RALGAPA2: variants seen among roughly 807,000 people sequenced by gnomAD.
The protein encoded by RALGAPA2 is Ral GTPase activating protein catalytic subunit alpha 2.
Under a neutral mutation model 230.4 loss-of-function variants are expected in RALGAPA2, and 139 were observed. The ratio of observed to expected loss-of-function variants is 0.60; its 90% confidence interval spans 0.53 to 0.69. The LOEUF is 0.69. Ranked by LOEUF, RALGAPA2 falls within the 30% of genes least tolerant of loss-of-function variation. The pLI, the probability that RALGAPA2 is intolerant of heterozygous loss-of-function variation, is 0.00. For missense variants in RALGAPA2, 2,163 were observed against 2,276.0 expected, an observed-to-expected ratio of 0.95 and a Z score of 1.01; for synonymous variants, 847 against 837.8, an observed-to-expected ratio of 1.01 and a Z score of -0.19.
intron 23 of RALGAPA2, among the ~76,000 whole-genome samples, chr20:20,569,216 G>C (rs1486090410): frequency 6.6e-6 from 1 of 152,100 alleles, no homozygotes; most frequent in Non-Finnish European, 1.5e-5. Context: ...ATGAAAAAAA[G>C]TTTCTTTCAT....
At chr20:20,411,365 C>A (rs1487677279) in intron 38 of RALGAPA2, among the ~76,000 whole-genome samples, 1 of 152,140 alleles carries the variant, frequency 6.6e-6, no homozygotes, top group Non-Finnish European at 1.5e-5. Context: ...TCCCCCCAAA[C>A]TGGAAATATA....
In RALGAPA2 at chr20:20,531,793, C is replaced by T; in HGVS notation, c.3476G>A (p.Cys1159Tyr). 1 of 1,592,416 alleles carries T rather than the reference C, an allele frequency of 6.3e-7. No individual in the cohort carries two copies. The highest frequency in any genetic ancestry group is 8.6e-7 in the Non-Finnish European group (1 of 1,168,540). The change falls in exon 27 of 40, where the codon TGC (cysteine) becomes TAC (tyrosine). Residue 1159 changes from cysteine to tyrosine, a missense_variant and splice_region_variant. By Grantham distance (194) the Cys-to-Tyr change is radical. Coordinates refer to ENST00000202677, the MANE Select transcript of RALGAPA2 (RefSeq NM_020343.4). ...GACCCCAAGGGAGCAAACAGCAATGCATCTTTTTAAAAAGAAGAAAACAGA... is the reference window on the plus strand; with the variant it reads ...GACCCCAAGGGAGCAAACAGCAATGTATCTTTTTAAAAAGAAGAAAACAGA... ...ATEEPNEYARCIAVCSLGVWI... is the reference protein window; with the variant it reads ...ATEEPNEYARYIAVCSLGVWI...
intron 37 of RALGAPA2, among the ~76,000 whole-genome samples, chr20:20,445,272 TATTCCATA>T (rs2060834935): frequency 6.6e-6 from 1 of 152,228 alleles, no homozygotes; most frequent in South Asian, 2.1e-4. Flanking sequence ...AATGTCTGAC[TATTCCATA>T]AGTGCCTGAG....
intron 36 of RALGAPA2, among the ~76,000 whole-genome samples, chr20:20,490,894 A>ACACACACACACACACACT (rs397779229): frequency 2.1e-5 from 3 of 144,952 alleles, no homozygotes; most frequent in African/African-American, 7.8e-5. Flanking sequence ...ACACACACAC[A>ACACACACACACACACACT]CTCACACTCA....
chr20:20,652,494 T>C (rs1292061829), intron 4 of RALGAPA2, among the ~76,000 whole-genome samples: 2 of 152,246 alleles, frequency 1.3e-5, no homozygotes, highest in East Asian at 3.8e-4. Flanking sequence ...AGAATGGTGA[T>C]ATATTCTTAG....
intron 36 of RALGAPA2, among the ~76,000 whole-genome samples, chr20:20,491,029 A>G (rs2062041544): frequency 6.6e-6 from 1 of 152,120 alleles, no homozygotes; most frequent in Admixed American, 6.5e-5. Context: ...CAAAAAAAAA[A>G]AGGCATTTAG....
intron 23 of RALGAPA2, among the ~76,000 whole-genome samples, chr20:20,554,543 TTAAGTC>T (rs1211003516): frequency 6.6e-6 from 1 of 152,230 alleles, no homozygotes; most frequent in East Asian, 1.9e-4. Flanking sequence ...CTGGAGAAGT[TTAAGTC>T]TATGTCTTTC....
At chr20:20,525,382 A>C (rs898783135) in intron 28 of RALGAPA2, among the ~76,000 whole-genome samples, 1 of 152,166 alleles carries the variant, frequency 6.6e-6, no homozygotes, top group South Asian at 2.1e-4. Flanking sequence ...ATTTCAGAGC[A>C]CTTTATGTTC....
At chr20:20,654,501 C>T (rs1408100779) in intron 3 of RALGAPA2, among the ~76,000 whole-genome samples, 1 of 152,182 alleles carries the variant, frequency 6.6e-6, no homozygotes, top group African/African-American at 2.4e-5. Context: ...CATGCAGTAT[C>T]TTTCTGTGCC....
At chr20:20,500,928 T>C (rs2062355974) in intron 35 of RALGAPA2, among the ~76,000 whole-genome samples, 1 of 152,250 alleles carries the variant, frequency 6.6e-6, no homozygotes, top group Admixed American at 6.5e-5. Flanking sequence ...AGTGATGAGG[T>C]ACATTGTCAA....
At chr20:20,568,114 G>A (rs2145891915) in intron 23 of RALGAPA2, among the ~76,000 whole-genome samples, 1 of 152,058 alleles carries the variant, frequency 6.6e-6, no homozygotes, top group African/African-American at 2.4e-5. Flanking sequence ...AGGCAGGCCG[G>A]GTAGCCCTGA....
intron 35 of RALGAPA2, among the ~76,000 whole-genome samples, chr20:20,502,475 T>C (rs2123681072): frequency 6.6e-6 from 1 of 152,322 alleles, no homozygotes; most frequent in South Asian, 2.1e-4. Flanking sequence ...TCAACAACCC[T>C]GTAACATAGG....
chr20:20,658,745 A>C (rs1163679064), intron 3 of RALGAPA2, among the ~76,000 whole-genome samples: 4 of 152,028 alleles, frequency 2.6e-5, no homozygotes, highest in Non-Finnish European at 5.9e-5. Context: ...ACCAGGAATA[A>C]TGTGAAATGT....
At chr20:20,511,232 G>T in intron 33 of RALGAPA2, 22 bp downstream of exon 33, 1 of 1,562,382 alleles carries the variant, frequency 6.4e-7, no homozygotes. Context: ...GGAAAAAAGT[G>T]GTTTGATATA....
At chr20:20,439,463 T>C (rs183143204) in intron 37 of RALGAPA2, among the ~76,000 whole-genome samples, 1,916 of 152,290 alleles carry the variant, frequency 0.013, 22 homozygotes, top group Non-Finnish European at 0.021. Context: ...TCCACTGGCC[T>C]CAGCCTCCCC....
chr20:20,670,078 C>T (rs541209049), intron 3 of RALGAPA2, among the ~76,000 whole-genome samples: 5 of 152,342 alleles, frequency 3.3e-5, no homozygotes, highest in African/African-American at 1.2e-4. Flanking sequence ...TTCATTCTTA[C>T]CAGTAGACTC....
At position 20,639,907 on chromosome 20, in the gene RALGAPA2, G is replaced by A. The variant is rs748379875; in HGVS notation, c.551-7C>T. On this transcript the variant is annotated splice_region_variant and splice_polypyrimidine_tract_variant and intron_variant, in intron 6 of 39. Transcript: ENST00000202677. ...TCTTCTGGATATATCTTTACTGAAAGGACAGAAAATGATGACAGCTCATTC... is the reference window on the plus strand; with the variant it reads ...TCTTCTGGATATATCTTTACTGAAAAGACAGAAAATGATGACAGCTCATTC... 1.3e-6 allele frequency: 2 copies of A among 1,586,188 alleles called. No individual in the cohort carries two copies. Among genetic ancestry groups the A allele is most frequent in the African/African-American group, 2.7e-5 (2 of 74,184 alleles).
intron 14 of RALGAPA2, 114 bp from the exon 15 acceptor site, chr20:20,605,526 C>CT: frequency 1.2e-6 from 1 of 835,386 alleles, no homozygotes; most frequent in South Asian, 1.9e-5. Flanking sequence ...ATAAAAAGTA[C>CT]TTTTGGAAGT....
chr20:20,458,760 A>ATATATATATAGACC lies in RALGAPA2; in HGVS notation c.5495+14055_5495+14068dup, dbSNP rs1569417966. On this transcript the variant is annotated intron_variant, in intron 37 of 39. Transcript: ENST00000202677. ...CCTATATATATATACATACACACCT[A>ATATATATATAGACC]TATATATATAGACCTATATATATAT... Among the ~76,000 whole-genome samples the ATATATATATAGACC allele has an allele frequency of 4.3e-3, 35 of 8,154 alleles. 2 individuals are homozygous for ATATATATATAGACC. The highest frequency in any genetic ancestry group is 9.6e-3 in the African/African-American group (34 of 3,546). The allele number at this position is 8,154 out of a possible 152,430, so 5.3% of individuals were successfully genotyped here.
Sources: gnomAD v4.1 joint callset for allele counts (sites outside exome capture counted in the v4.1 genomes callset) on GRCh38, gnomAD v4.1.1 for gene constraint, MANE v1.5 for transcripts, NCBI Gene and HGNC (gene_info 2026-07-23, HGNC 2026-07-21) for gene names.